HMOX2: variants seen among roughly 807,000 people sequenced by gnomAD.
The protein encoded by HMOX2 is heme oxygenase 2.
Under a neutral mutation model 33.7 loss-of-function variants are expected in HMOX2, and 30 were observed. That is an observed-to-expected ratio of 0.89 (90% CI 0.67 to 1.21). The LOEUF (loss-of-function observed/expected upper bound fraction) is 1.21, where lower values mean the gene tolerates loss of function less well. Ranked by LOEUF, HMOX2 falls within the 50% of genes most tolerant of loss-of-function variation. The probability of loss-of-function intolerance (pLI) is 0.00; values close to 1 mark genes in which losing one functional copy is unlikely to be tolerated. For missense variants in HMOX2, 403 were observed against 399.1 expected, an observed-to-expected ratio of 1.01 and a Z score of -0.08; for synonymous variants, 155 against 155.0, an observed-to-expected ratio of 1.00 and a Z score of 0.00.
rs1271215946 is a variant in HMOX2, at chr16:4,509,928, A to G, written c.*172A>G. On this transcript the variant is annotated 3_prime_UTR_variant, in exon 6 of 6. Transcript: ENST00000570646. The stretch of plus-strand genomic sequence containing the variant: ...GCCTCTGCCTGACAGCATCCTCTCT[A>G]TGGGCCATATTCCGCACTGGGCACA... The G allele has an allele frequency of 5.6e-6, 4 of 708,784 alleles. No homozygotes were observed. Among genetic ancestry groups the G allele is most frequent in the Non-Finnish European group, 9.2e-6 (4 of 433,152 alleles). 43.9% of individuals were successfully genotyped at this position (708,784 alleles called of 1,614,324 possible).
Position 4,509,885 on chromosome 16 carries a change from T to G in HMOX2, c.*129T>G. On this transcript the variant is annotated 3_prime_UTR_variant, in exon 6 of 6. Transcript: ENST00000570646. ...TGCTGGGTTTAAGAAAGGCAACCAATAAAAGCCAGATGCTAGAGCCTCTGC... is the reference window on the plus strand; with the variant it reads ...TGCTGGGTTTAAGAAAGGCAACCAAGAAAAGCCAGATGCTAGAGCCTCTGC... The G allele has an allele frequency of 9.7e-7, 1 of 1,033,510 alleles. No homozygotes were observed. Among genetic ancestry groups the G allele is most frequent in the Non-Finnish European group, 1.4e-6 (1 of 720,354 alleles). 64.0% of individuals were successfully genotyped at this position (1,033,510 alleles called of 1,614,324 possible).
chr16:4,479,947 C>T (rs888754469), intron 1 of HMOX2, among the ~76,000 whole-genome samples: 6 of 151,554 alleles, frequency 4.0e-5, no homozygotes, highest in Non-Finnish European at 7.4e-5. Context: ...CTATGTTGGC[C>T]GGGCTGGTCT....
chr16:4,483,599 A>G (rs2141524913), intron 1 of HMOX2: 1 of 152,196 alleles, frequency 6.6e-6, no homozygotes, highest in South Asian at 2.1e-4. Flanking sequence ...GATCAAATAT[A>G]TCTATAAATC....
chr16:4,490,341 C>T (rs753862057), intron 1 of HMOX2, among the ~76,000 whole-genome samples: 5 of 152,128 alleles, frequency 3.3e-5, no homozygotes, highest in Non-Finnish European at 7.4e-5. Flanking sequence ...TCAAAGCCAT[C>T]CTCCCTGCAG....
At chr16:4,485,362 A>T (rs2058141986) in intron 1 of HMOX2, among the ~76,000 whole-genome samples, 2 of 152,212 alleles carry the variant, frequency 1.3e-5, no homozygotes, top group South Asian at 4.1e-4. Context: ...CTTCTAAGGT[A>T]TGCAGAGTAT....
chr16:4,506,674 C>T (rs898286300), intron 2 of HMOX2, among the ~76,000 whole-genome samples: 5 of 152,230 alleles, frequency 3.3e-5, no homozygotes, highest in Non-Finnish European at 5.9e-5. Flanking sequence ...CCACAGTTAT[C>T]CCTTGTGTCC....
intron 1 of HMOX2, among the ~76,000 whole-genome samples, chr16:4,482,048 A>C (rs1253441894): frequency 6.6e-6 from 1 of 152,200 alleles, no homozygotes; most frequent in East Asian, 1.9e-4. Context: ...TTTATGTAGG[A>C]AGGCAGAGGG....
At chr16:4,504,651 T>C (rs1338214511) in intron 1 of HMOX2, among the ~76,000 whole-genome samples, 2 of 149,644 alleles carry the variant, frequency 1.3e-5, no homozygotes, top group South Asian at 2.1e-4. Flanking sequence ...TGAGCCACCG[T>C]GTCTGGCCTA....
chr16:4,489,233 G>A (rs1449194330), intron 1 of HMOX2, among the ~76,000 whole-genome samples: 3 of 152,036 alleles, frequency 2.0e-5, no homozygotes, highest in Non-Finnish European at 2.9e-5. Flanking sequence ...TGAGTTACTC[G>A]AGCACAAAGC....
chr16:4,505,693 G>C (rs1335337244), intron 2 of HMOX2, 83 bp downstream of exon 2: 9 of 1,011,146 alleles, frequency 8.9e-6, no homozygotes, highest in East Asian at 7.8e-5. Context: ...TCTGTTGGCA[G>C]CACTGGGGAG....
At chr16:4,481,181 C>T (rs2058019768) in intron 1 of HMOX2, among the ~76,000 whole-genome samples, 1 of 151,280 alleles carries the variant, frequency 6.6e-6, no homozygotes, top group Non-Finnish European at 1.5e-5. Context: ...CCCGTCTCTA[C>T]TAAAAAATAC....
At chr16:4,509,582 C>T (rs2058785577) in intron 5 of HMOX2, 44 bp downstream of exon 5, 3 of 1,613,758 alleles carry the variant, frequency 1.9e-6, no homozygotes, top group Non-Finnish European at 2.5e-6. Flanking sequence ...GCAGGTGTAG[C>T]AGGAGACTCC....
At position 4,506,856 on chromosome 16, in the gene HMOX2, G is replaced by C. The variant is rs199951294; in HGVS notation, c.87-39G>C. 1,129 of 1,425,584 alleles carry C rather than the reference G, an allele frequency of 7.9e-4. 1 individual carries two copies. Among genetic ancestry groups the C allele is most frequent in the Non-Finnish European group, 1.0e-3 (1,026 of 1,008,430 alleles). 88.3% of individuals were successfully genotyped at this position (1,425,584 alleles called of 1,614,324 possible). On this transcript the variant is annotated intron_variant, in intron 2 of 5. Coordinates refer to ENST00000570646, the MANE Select transcript of HMOX2 (RefSeq NM_002134.4). The stretch of plus-strand genomic sequence containing the variant: ...ATGGTCCTTTCTGGAAAGCTGGGAA[G>C]GGCTAATTGACACACAAACACCTCC...
At chr16:4,489,138 G>A (rs534324691) in intron 1 of HMOX2, among the ~76,000 whole-genome samples, 1 of 152,208 alleles carries the variant, frequency 6.6e-6, no homozygotes, top group African/African-American at 2.4e-5. Context: ...TAAAAGGTAC[G>A]CTCTTAGTAG....
Position 4,488,652 on chromosome 16 carries a change from A to G in HMOX2, c.-42+12165A>G, listed in dbSNP as rs193079385. 455 of 152,524 alleles carry G rather than the reference A, an allele frequency of 3.0e-3. 2 individuals are homozygous for G. Among genetic ancestry groups the G allele is most frequent in the Non-Finnish European group, 5.2e-3 (356 of 68,050 alleles). 9.4% of individuals were successfully genotyped at this position (152,524 alleles called of 1,614,324 possible). A position where few individuals can be genotyped will look rare whatever the true frequency, so the allele number is the denominator to read the frequency against. On this transcript the variant is annotated intron_variant, in intron 1 of 5. Coordinates refer to ENST00000570646, the MANE Select transcript of HMOX2 (RefSeq NM_002134.4). ...GCTGACCCCTTCCCTAGAGAACAAC[A>G]TGAAGAGACCTTGCTGCTGCTATGA... is the stretch of plus-strand genomic sequence containing the variant.
At chr16:4,475,059 C>G (rs375911986), upstream of HMOX2, among the ~76,000 whole-genome samples, 6 of 152,124 alleles carry the variant, frequency 3.9e-5, no homozygotes, top group African/African-American at 1.4e-4. Flanking sequence ...TCAAGAGATT[C>G]TCCTGCCTCA....
At chr16:4,501,591 G>A (rs1427395444) in intron 1 of HMOX2, among the ~76,000 whole-genome samples, 1 of 152,046 alleles carries the variant, frequency 6.6e-6, no homozygotes. Flanking sequence ...GTGGGGGTGG[G>A]GAACATGTAG....
chr16:4,476,907 C>T (rs2057864485), intron 1 of HMOX2, among the ~76,000 whole-genome samples: 5 of 152,184 alleles, frequency 3.3e-5, no homozygotes, highest in Admixed American at 1.3e-4. Flanking sequence ...GAGATTGGAG[C>T]CCGGCTTGGC....
At chr16:4,481,673 TA>T (rs1468137330) in intron 1 of HMOX2, 1 of 152,254 alleles carries the variant, frequency 6.6e-6, no homozygotes, top group Non-Finnish European at 1.5e-5. Context: ...GATTGAAAGG[TA>T]CTTGACGTGC....
Sources: allele counts gnomAD v4.1 joint callset (sites outside exome capture counted in the v4.1 genomes callset), GRCh38; gene constraint gnomAD v4.1.1; transcripts MANE v1.5; gene names NCBI Gene and HGNC (gene_info 2026-07-23, HGNC 2026-07-21).